Variants in TEX36 observed in about 807,000 individuals in gnomAD.
TEX36 encodes the protein testis-expressed protein 36.
A neutral mutation model predicts 13.6 loss-of-function variants in TEX36; 12 were observed. The ratio of observed to expected loss-of-function variants is 0.88; its 90% confidence interval spans 0.56 to 1.43. The LOEUF (loss-of-function observed/expected upper bound fraction) is 1.43. Among genes scored for constraint, TEX36 ranks in the 40% most tolerant of loss-of-function variants. The pLI, the probability that TEX36 is intolerant of heterozygous loss-of-function variation, is 0.00. For synonymous variants in TEX36, 93 were observed against 83.0 expected, an observed-to-expected ratio of 1.12 and a Z score of -0.65; for missense variants, 224 against 228.3, an observed-to-expected ratio of 0.98 and a Z score of 0.12.
chr10:125,682,250 C>G (rs1170296398), intron 1 of TEX36, among the ~76,000 whole-genome samples: 1 of 152,072 alleles, frequency 6.6e-6, no homozygotes, highest in East Asian at 1.9e-4. Context: ...TAGGAGTGAC[C>G]CAAATGTTTC....
intron 1 of TEX36, among the ~76,000 whole-genome samples, chr10:125,678,671 G>A (rs1847346736): frequency 6.6e-6 from 1 of 152,126 alleles, no homozygotes; most frequent in South Asian, 2.1e-4. Context: ...GTTGCGATGG[G>A]CTGGGCAGGC....
intron 3 of TEX36, among the ~76,000 whole-genome samples, chr10:125,643,647 CAGG>C (rs898090717): frequency 2.0e-5 from 3 of 151,566 alleles, no homozygotes; most frequent in African/African-American, 7.3e-5. Flanking sequence ...GAGGCTGAGG[CAGG>C]AGAATGGCAT....
intron 1 of TEX36, among the ~76,000 whole-genome samples, chr10:125,673,649 G>C (rs1205128847): frequency 2.7e-5 from 4 of 149,276 alleles, no homozygotes; most frequent in Non-Finnish European, 5.9e-5. Context: ...GGTGGAGGTG[G>C]CAGTGAGCCA....
chr10:125,624,527 G>A (rs2072934616), intron 3 of TEX36, among the ~76,000 whole-genome samples: 1 of 152,074 alleles, frequency 6.6e-6, no homozygotes, highest in Non-Finnish European at 1.5e-5. Flanking sequence ...ATGACTGGTG[G>A]GGCTGGTCAT....
intron 3 of TEX36, among the ~76,000 whole-genome samples, chr10:125,644,705 G>T (rs1016849435): frequency 6.6e-6 from 1 of 152,130 alleles, no homozygotes; most frequent in Non-Finnish European, 1.5e-5. Context: ...CCTTGAGTGT[G>T]GCAGAACCTG....
At chr10:125,676,816 T>C (rs1279211807) in intron 1 of TEX36, among the ~76,000 whole-genome samples, 1 of 152,236 alleles carries the variant, frequency 6.6e-6, no homozygotes, top group Non-Finnish European at 1.5e-5. Context: ...TACTTTTGTA[T>C]GTTTTCATGA....
intron 3 of TEX36, among the ~76,000 whole-genome samples, chr10:125,611,972 T>C (rs1305861959): frequency 1.2e-4 from 19 of 152,090 alleles, no homozygotes; most frequent in Non-Finnish European, 4.4e-5. Flanking sequence ...TATTTTCTGC[T>C]TGTGTGATTC....
chr10:125,625,498 A>T (rs549571292), intron 3 of TEX36, among the ~76,000 whole-genome samples: 3 of 152,330 alleles, frequency 2.0e-5, no homozygotes, highest in East Asian at 3.9e-4. Flanking sequence ...GTTAGTTTCC[A>T]TCTGGGGGTT....
Position 125,586,635 on chromosome 10 carries a change from C to CAAAAAAAAA in TEX36, c.265-9770_265-9762dup, listed in dbSNP as rs35078105. On this transcript the variant is annotated intron_variant, in intron 3 of 3. Coordinates refer to the TEX36 transcript ENST00000532135. ...TGAAACTCCGTCTCTACTAAAAATC[C>CAAAAAAAAA]AAAAAAAAAAAAAAAAAAAAAATTA... Among the ~76,000 whole-genome samples the CAAAAAAAAA allele has an allele frequency of 1.1e-3, 128 of 113,624 alleles. 1 individual carries two copies. The highest frequency in any genetic ancestry group is 1.6e-3 in the African/African-American group (45 of 27,588). 74.5% of individuals were successfully genotyped at this position (113,624 alleles called of 152,430 possible).
intron 3 of TEX36, among the ~76,000 whole-genome samples, chr10:125,592,319 CA>C (rs1008869299): frequency 6.6e-6 from 1 of 152,124 alleles, no homozygotes; most frequent in African/African-American, 2.4e-5. Context: ...CCACCAGCCA[CA>C]GTCTGTCTTT....
intron 1 of TEX36, chr10:125,667,186 G>A (rs1589784123): frequency 1.5e-6 from 1 of 653,896 alleles, no homozygotes. Flanking sequence ...GTGCAGCGTT[G>A]TGACAGTCAC....
At chr10:125,577,964 G>A (rs1297835276) in intron 3 of TEX36, among the ~76,000 whole-genome samples, 1 of 152,158 alleles carries the variant, frequency 6.6e-6, no homozygotes, top group African/African-American at 2.4e-5. Flanking sequence ...ATAAACAAAT[G>A]TCATATTCTA....
chr10:125,654,557 C>T (rs563311763), downstream of TEX36, among the ~76,000 whole-genome samples: 1 of 151,972 alleles, frequency 6.6e-6, no homozygotes, highest in African/African-American at 2.4e-5. Context: ...GTTTACTTTA[C>T]AAGCTTATTC....
chr10:125,588,119 A>G (rs1176203011), intron 3 of TEX36, among the ~76,000 whole-genome samples: 1 of 152,218 alleles, frequency 6.6e-6, no homozygotes, highest in East Asian at 1.9e-4. Flanking sequence ...ATGTGAGTAT[A>G]TCTCTAGGAT....
downstream of TEX36, among the ~76,000 whole-genome samples, chr10:125,617,787 T>G (rs552378057): frequency 5.3e-4 from 81 of 152,172 alleles, no homozygotes; most frequent in African/African-American, 1.7e-3. Flanking sequence ...TTCTCGAGGA[T>G]TATCTTTGTG....
chr10:125,608,987 A>G (rs1449633491), intron 3 of TEX36, among the ~76,000 whole-genome samples: 1 of 138,374 alleles, frequency 7.2e-6, no homozygotes, highest in Non-Finnish European at 1.5e-5. Flanking sequence ...AAAAAAAAAA[A>G]AAAAGAAAGA....
intron 3 of TEX36, chr10:125,578,089 G>A (rs760145744): frequency 1.3e-5 from 2 of 152,204 alleles, no homozygotes; most frequent in African/African-American, 2.4e-5. Context: ...GAATGCTAGT[G>A]GAGGGTGGTG....
intron 3 of TEX36, among the ~76,000 whole-genome samples, chr10:125,592,245 C>T (rs760469298): frequency 1.2e-4 from 18 of 152,062 alleles, no homozygotes; most frequent in Non-Finnish European, 2.4e-4. Context: ...ATGAGGAAAG[C>T]GAGGCTGGGG....
chr10:125,673,710 CAAAAAAA>C (rs3064205), intron 1 of TEX36, among the ~76,000 whole-genome samples: 1 of 68,434 alleles, frequency 1.5e-5, no homozygotes, highest in African/African-American at 5.3e-5. Context: ...GACTCTCTCT[CAAAAAAA>C]AAAAAAAAAA....
Sources: gnomAD v4.1 joint callset for allele counts (sites outside exome capture counted in the v4.1 genomes callset) on GRCh38, gnomAD v4.1.1 for gene constraint, MANE v1.5 for transcripts, NCBI Gene and HGNC (gene_info 2026-07-23, HGNC 2026-07-21) for gene names.